The following LIMA1 variants were observed in gnomAD, a reference collection of about 807,000 sequenced individuals.
LIMA1 encodes LIM domain and actin binding 1.
LIMA1 carries 52 observed loss-of-function variants against 62.6 expected under a neutral mutation model. The ratio of observed to expected loss-of-function variants is 0.83; its 90% CI spans 0.67 to 1.05. The LOEUF is 1.05. Among genes scored for constraint, LIMA1 ranks in the 50% least tolerant of loss-of-function variants. The probability of loss-of-function intolerance (pLI) is 0.00; values close to 1 mark genes in which losing one functional copy is unlikely to be tolerated. For synonymous variants in LIMA1, 302 were observed against 317.8 expected (o/e 0.95, Z 0.53); for missense variants, 780 against 902.2 (o/e 0.86, Z 1.74).
In LIMA1 at chr12:50,222,429, CTTCT is replaced by C. The variant is rs758410352; in HGVS notation, c.218_221del (p.Lys73ArgfsTer35). The C allele has an allele frequency of 9.3e-6, 15 of 1,614,002 alleles. No individual in the cohort carries two copies. The Admixed American group carries it at 2.5e-4, about 27-fold the overall frequency. On this transcript the variant is annotated frameshift_variant, in exon 4 of 11. Transcript: ENST00000341247. LOFTEE classifies it high-confidence loss of function. ...CTCCCAGCCCTGGGTTCTCCCACTT[CTTCT>C]TTAACACAGTCAGGGTCCCCTTTCT...
chr12:50,218,904 A>C (rs73106171), intron 4 of LIMA1, among the ~76,000 whole-genome samples: 7,083 of 135,968 alleles, frequency 0.052, 345 homozygotes, highest in African/African-American at 0.13. Flanking sequence ...ATAAAAAAAA[A>C]AAAAACAAAA....
intron 9 of LIMA1, chr12:50,185,502 G>A (rs1272836465): frequency 2.2e-6 from 1 of 456,030 alleles, no homozygotes; most frequent in Non-Finnish European, 4.4e-6. Flanking sequence ...GGCGTGCCCT[G>A]GAGAGCTTTA....
chr12:50,279,485 G>A (rs1249459404), intron 1 of LIMA1, among the ~76,000 whole-genome samples: 1 of 152,062 alleles, frequency 6.6e-6, no homozygotes, highest in Non-Finnish European at 1.5e-5. Context: ...AGGTGATAGT[G>A]GAAGTCATGG....
intron 4 of LIMA1, among the ~76,000 whole-genome samples, chr12:50,212,398 A>G (rs1023301397): frequency 6.6e-6 from 1 of 152,218 alleles, no homozygotes; most frequent in African/African-American, 2.4e-5. Flanking sequence ...ATGCATGGAA[A>G]TCGGGGCATA....
intron 1 of LIMA1, among the ~76,000 whole-genome samples, chr12:50,261,042 A>ATATATTTTTTTTTTTTTTT (rs1383547189): frequency 1.3e-4 from 7 of 54,296 alleles, no homozygotes; most frequent in African/African-American, 2.2e-4. Context: ...CATCTAGTAT[A>ATATATTTTTTTTTTTTTTT]TTTTTTTTTT....
At chr12:50,217,806 G>T in intron 4 of LIMA1, 2 of 301,062 alleles carry the variant, frequency 6.6e-6, no homozygotes, top group Non-Finnish European at 1.3e-5. Flanking sequence ...TTCACATCCA[G>T]CCTGGGAAGT....
intron 3 of LIMA1, among the ~76,000 whole-genome samples, chr12:50,230,280 C>T (rs1316325853): frequency 6.6e-6 from 1 of 152,228 alleles, no homozygotes; most frequent in Non-Finnish European, 1.5e-5. Flanking sequence ...AGGTGATCTG[C>T]CTGCCTCGGC....
intron 10 of LIMA1, among the ~76,000 whole-genome samples, chr12:50,181,283 T>C (rs1183944830): frequency 6.6e-6 from 1 of 152,172 alleles, no homozygotes; most frequent in Non-Finnish European, 1.5e-5. Flanking sequence ...CAAAACATCT[T>C]TCAAGAGTAT....
In LIMA1 at chr12:50,237,209, TG is replaced by T. The variant is rs1411859753; in HGVS notation, c.120-5500del. Among the ~76,000 whole-genome samples, 66 of 152,260 alleles carry T rather than the reference TG, an allele frequency of 4.3e-4. 1 individual carries two copies. On this transcript the variant is annotated intron_variant, in intron 2 of 10. Coordinates refer to ENST00000341247, the MANE Select transcript of LIMA1 (RefSeq NM_016357.5). ...AGCAAAAGACTGAGAACAACCTGAA[TG>T]TCCGTTAGCAGAGGAGTGGTAAATT...
At chr12:50,185,645 C>T in intron 9 of LIMA1, 1 of 368,502 alleles carries the variant, frequency 2.7e-6, no homozygotes. Flanking sequence ...TGGAACATAT[C>T]CCAGCTCAGG....
At chr12:50,254,628 A>G (rs957173886) in intron 1 of LIMA1, among the ~76,000 whole-genome samples, 1 of 152,214 alleles carries the variant, frequency 6.6e-6, no homozygotes, top group African/African-American at 2.4e-5. Flanking sequence ...AGAGTGACTC[A>G]CTGGGAAATC....
At chr12:50,201,574 A>G (rs1214608037) in intron 6 of LIMA1, 2 of 953,930 alleles carry the variant, frequency 2.1e-6, no homozygotes, top group Non-Finnish European at 2.5e-6. Context: ...TGGGGTGAAT[A>G]TTACAATTAA....
At chr12:50,247,013 A>AG (rs1941859437) in intron 2 of LIMA1, among the ~76,000 whole-genome samples, 1 of 152,158 alleles carries the variant, frequency 6.6e-6, no homozygotes, top group South Asian at 2.1e-4. Context: ...GTGTGTGCCT[A>AG]TAGTCCCAGC....
At chr12:50,264,012 C>A (rs1038687825) in intron 1 of LIMA1, among the ~76,000 whole-genome samples, 2 of 151,396 alleles carry the variant, frequency 1.3e-5, no homozygotes, top group African/African-American at 4.9e-5. Context: ...TATGCCCATA[C>A]AAGGGAATAT....
intron 9 of LIMA1, among the ~76,000 whole-genome samples, chr12:50,182,481 C>G (rs535506557): frequency 6.6e-6 from 1 of 152,122 alleles, no homozygotes; most frequent in Non-Finnish European, 1.5e-5. Flanking sequence ...AGAGGAAGAG[C>G]ATTTGGCTTT....
chr12:50,193,549 ATATATCATATATG>A (rs1940838509), intron 8 of LIMA1, among the ~76,000 whole-genome samples: 1 of 134,344 alleles, frequency 7.4e-6, no homozygotes, highest in African/African-American at 3.0e-5. Context: ...ATATATACAT[ATATATCATATATG>A]TATATATGAT....
chr12:50,218,766 G>A (rs1592529889), intron 4 of LIMA1, among the ~76,000 whole-genome samples: 1 of 151,840 alleles, frequency 6.6e-6, no homozygotes, highest in Non-Finnish European at 1.5e-5. Flanking sequence ...AATTAGCTGA[G>A]AGTGGTGGTA....
intron 1 of LIMA1, among the ~76,000 whole-genome samples, chr12:50,260,858 A>G (rs1015011625): frequency 2.0e-5 from 3 of 147,124 alleles, no homozygotes; most frequent in African/African-American, 7.5e-5. Context: ...GGCATGGATT[A>G]GAATTTAGCT....
chr12:50,238,765 G>T (rs1350929077), intron 2 of LIMA1, among the ~76,000 whole-genome samples: 2 of 149,980 alleles, frequency 1.3e-5, no homozygotes, highest in African/African-American at 4.9e-5. Flanking sequence ...CAGGAGAATC[G>T]CTTGAACCTG....
Sources: gnomAD v4.1 joint callset for allele counts (sites outside exome capture counted in the v4.1 genomes callset) on GRCh38, gnomAD v4.1.1 for gene constraint, MANE v1.5 for transcripts, NCBI Gene and HGNC (gene_info 2026-07-23, HGNC 2026-07-21) for gene names.